The following RBM19 variants were observed in gnomAD, a reference collection of about 807,000 sequenced individuals.
The protein encoded by RBM19 is RNA binding motif protein 19, also known as probable RNA-binding protein 19.
A neutral mutation model predicts 116.8 loss-of-function variants in RBM19; 94 were observed. The ratio of observed to expected loss-of-function variants is 0.80; its 90% CI spans 0.68 to 0.95. The LOEUF is 0.95. Ranked by LOEUF, RBM19 falls within the 40% of genes least tolerant of loss-of-function variation. The pLI is 0.00. For synonymous variants in RBM19, 475 were observed against 494.1 expected, an observed-to-expected ratio of 0.96 and a Z score of 0.51; for missense variants, 1,161 against 1,220.7, an observed-to-expected ratio of 0.95 and a Z score of 0.73.
intron 22 of RBM19, among the ~76,000 whole-genome samples, chr12:113,848,505 CA>C (rs2135723921): frequency 6.6e-6 from 1 of 152,180 alleles, no homozygotes; most frequent in East Asian, 1.9e-4. Context: ...ATTAAAAGAG[CA>C]TAACGAGAGC....
Position 113,829,337 on chromosome 12 carries a change from G to T in RBM19, c.2786-6016C>A, listed in dbSNP as rs115803673. Among the ~76,000 whole-genome samples, 1,411 of 152,344 alleles carry T rather than the reference G, an allele frequency of 9.3e-3. 24 individuals carry two copies. The highest frequency in any genetic ancestry group is 0.033 in the African/African-American group (1,352 of 41,570). ...TCTAAGAACTAGGTATGATCTGAGA[G>T]GGTCCTTGTGCAGAGCGGGTGGGCA... On this transcript the variant is annotated intron_variant, in intron 23 of 23. Transcript: ENST00000261741.
chr12:113,952,371 G>A, intron 8 of RBM19, 141 bp downstream of exon 8: 1 of 721,466 alleles, frequency 1.4e-6, no homozygotes. Flanking sequence ...AACCTGCCCA[G>A]GCTGACCACA....
chr12:113,862,824 G>T (rs1728990235), intron 21 of RBM19, among the ~76,000 whole-genome samples: 1 of 152,148 alleles, frequency 6.6e-6, no homozygotes, highest in Non-Finnish European at 1.5e-5. Context: ...GAATAAAGAG[G>T]ACATACCGGG....
chr12:113,935,610 A>T (rs914246187), intron 16 of RBM19, among the ~76,000 whole-genome samples: 1 of 152,212 alleles, frequency 6.6e-6, no homozygotes, highest in Non-Finnish European at 1.5e-5. Context: ...TCCTGATTGA[A>T]ACAGGCCTCC....
chr12:113,914,452 C>T (rs926324948), intron 21 of RBM19, among the ~76,000 whole-genome samples: 2 of 152,224 alleles, frequency 1.3e-5, no homozygotes, highest in Non-Finnish European at 2.9e-5. Context: ...CATTAGGATC[C>T]CCTGGGGAGC....
intron 23 of RBM19, among the ~76,000 whole-genome samples, chr12:113,838,742 C>G (rs1876182354): frequency 1.3e-5 from 2 of 152,172 alleles, no homozygotes; most frequent in African/African-American, 4.8e-5. Flanking sequence ...GCTTGAACTA[C>G]AAATTGAATG....
chr12:113,945,249 C>T (rs755738775), intron 13 of RBM19, among the ~76,000 whole-genome samples: 84 of 152,246 alleles, frequency 5.5e-4, no homozygotes, highest in Non-Finnish European at 1.1e-3. Flanking sequence ...TATGGAGGAG[C>T]TGGATGGATG....
chr12:113,839,332 C>T (rs1457718151), intron 23 of RBM19, among the ~76,000 whole-genome samples: 1 of 152,226 alleles, frequency 6.6e-6, no homozygotes, highest in Non-Finnish European at 1.5e-5. Context: ...CTGTGGGCAC[C>T]TCCTGTGTCC....
At chr12:113,828,558 G>A (rs1333472569) in intron 23 of RBM19, among the ~76,000 whole-genome samples, 1 of 152,184 alleles carries the variant, frequency 6.6e-6, no homozygotes, top group Non-Finnish European at 1.5e-5. Flanking sequence ...GGTTGGGGCA[G>A]AGTGTGGAGG....
chr12:113,948,375 T>C (rs1871212974), intron 10 of RBM19, among the ~76,000 whole-genome samples: 1 of 152,170 alleles, frequency 6.6e-6, no homozygotes, highest in Non-Finnish European at 1.5e-5. Context: ...CTTGACACTA[T>C]CAAATCTATT....
intron 23 of RBM19, among the ~76,000 whole-genome samples, chr12:113,838,013 A>T (rs759061702): frequency 2.6e-5 from 4 of 152,242 alleles, no homozygotes; most frequent in Admixed American, 2.0e-4. Context: ...AATATTAAAC[A>T]CTGAAATAAA....
chr12:113,821,152 G>T (rs928592396), downstream of RBM19, among the ~76,000 whole-genome samples: 1 of 152,190 alleles, frequency 6.6e-6, no homozygotes, highest in Admixed American at 6.5e-5. Context: ...ACGGAGCCCA[G>T]GCAGATCCGA....
At chr12:113,878,693 A>G (rs1312264452) in intron 21 of RBM19, among the ~76,000 whole-genome samples, 1 of 151,316 alleles carries the variant, frequency 6.6e-6, no homozygotes, top group Non-Finnish European at 1.5e-5. Flanking sequence ...CAAACGTCCC[A>G]TAGCACGGGG....
At position 113,903,083 on chromosome 12, in the gene RBM19, A is replaced by T. The variant is rs116209122; in HGVS notation, c.2558+11886T>A. 0.033 allele frequency among the ~76,000 whole-genome samples: 5,010 copies of T among 152,130 alleles called. 257 individuals are homozygous for T. Among genetic ancestry groups the T allele is most frequent in the African/African-American group, 0.11 (4,737 of 41,448 alleles). On this transcript the variant is annotated intron_variant, in intron 21 of 23. Coordinates refer to ENST00000261741, the MANE Select transcript of RBM19 (RefSeq NM_016196.4). The surrounding 1 kb of genome is among the most constrained non-coding windows in gnomAD (Gnocchi z 5.1). ...AACCTACCTTCCCCTTCCCTAAGCA[A>T]CTGTGAATCTACTTTCAGTCTCTAC...
intron 21 of RBM19, among the ~76,000 whole-genome samples, chr12:113,911,374 CA>C (rs1882415126): frequency 6.6e-6 from 1 of 152,116 alleles, no homozygotes; most frequent in South Asian, 2.1e-4. Context: ...CCTTCCTTTA[CA>C]GAAGAAAAAA....
At position 113,862,831 on chromosome 12, in the gene RBM19, C is replaced by T. The variant is rs189452544; in HGVS notation, c.2559-3935G>A. ...GAAGCTGTGAATAAAGAGGACATAC[C>T]GGGCTTTTAAACACAGCCCTCCTTC... On this transcript the variant is annotated intron_variant, in intron 21 of 23. Transcript: ENST00000261741. 5.3e-5 allele frequency among the ~76,000 whole-genome samples: 8 copies of T among 152,262 alleles called. No individual in the cohort carries two copies. In the East Asian group the frequency reaches 1.5e-3, roughly 29 times the overall value.
chr12:113,924,853 A>C lies in RBM19; in HGVS notation c.2245-96T>G, dbSNP rs770033818. On this transcript the variant is annotated intron_variant, in intron 17 of 23. Coordinates refer to ENST00000261741, the MANE Select transcript of RBM19 (RefSeq NM_016196.4). ...CTATACCCCCAAATTTGCCATATGG[A>C]CACCTTGGGGTCCCAAAAACATTTT... The C allele has an allele frequency of 2.9e-6, 3 of 1,038,554 alleles. No individual in the cohort carries two copies. The African/African-American group carries it at 4.7e-5, about 16-fold the overall frequency. The allele number at this position is 1,038,554 out of a possible 1,614,324, so 64.3% of individuals were successfully genotyped here. A position where few individuals can be genotyped will look rare whatever the true frequency, so the allele number is the denominator to read the frequency against.
chr12:113,840,195 G>T (rs181841239), intron 23 of RBM19, among the ~76,000 whole-genome samples: 3 of 152,296 alleles, frequency 2.0e-5, no homozygotes, highest in East Asian at 1.9e-4. Flanking sequence ...GTTTTCAAGG[G>T]ATTATCATGT....
intron 21 of RBM19, 59 bp from the exon 22 acceptor site, chr12:113,858,955 G>A: frequency 6.7e-7 from 1 of 1,488,748 alleles, no homozygotes; most frequent in East Asian, 2.3e-5. Context: ...GGGAGGTCGG[G>A]AAGGCAGGAC....
Sources: gnomAD v4.1 joint callset for allele counts (sites outside exome capture counted in the v4.1 genomes callset) on GRCh38, gnomAD v4.1.1 for gene constraint, Gnocchi (gnomAD v3.1) non-coding constraint, MANE v1.5 for transcripts, NCBI Gene and HGNC (gene_info 2026-07-23, HGNC 2026-07-21) for gene names.